Variants in C4orf50 observed in about 807,000 individuals in gnomAD.
C4orf50 encodes the protein uncharacterized protein C4orf50.
C4orf50 carries 80 observed loss-of-function variants against 77.2 expected under a neutral mutation model. That is an observed-to-expected ratio of 1.04 (90% CI 0.87 to 1.25). The LOEUF is 1.25. C4orf50 is among the 50% of genes most tolerant of loss of function. The pLI is 0.00. For missense variants in C4orf50, 1,257 were observed against 1,152.9 expected, an observed-to-expected ratio of 1.09 and a Z score of -1.31; for synonymous variants, 532 against 465.3, an observed-to-expected ratio of 1.14 and a Z score of -1.84.
chr4:5,902,734 T>C (rs1158259307), intron 7 of C4orf50: 3 of 152,102 alleles, frequency 2.0e-5, no homozygotes, highest in Non-Finnish European at 1.5e-5. Flanking sequence ...CCCATCCCAA[T>C]TGCATTCAAT....
intron 7 of C4orf50, among the ~76,000 whole-genome samples, chr4:5,907,315 T>G (rs1248669529): frequency 2.0e-5 from 3 of 152,166 alleles, no homozygotes; most frequent in Non-Finnish European, 4.4e-5. Flanking sequence ...AAAATCCATG[T>G]GGGACACTAA....
chr4:5,933,223 A>G (rs1291099295), intron 7 of C4orf50, among the ~76,000 whole-genome samples: 1 of 152,200 alleles, frequency 6.6e-6, no homozygotes, highest in Non-Finnish European at 1.5e-5. Context: ...ATGTGAAAAC[A>G]CTTTGTCAAG....
At chr4:5,993,031 C>T (rs1052915096) in intron 26 of C4orf50, 101 bp from the exon 5 acceptor site, 11 of 347,540 alleles carry the variant, frequency 3.2e-5, no homozygotes, top group Non-Finnish European at 5.4e-5. Flanking sequence ...TAAGATGGCA[C>T]CCCCCCCACC....
intron 30 of C4orf50, among the ~76,000 whole-genome samples, chr4:5,974,311 C>G (rs13435604): frequency 0.21 from 32,509 of 152,070 alleles, 4,336 homozygotes; most frequent in East Asian, 0.68. Flanking sequence ...AAGAAATGCT[C>G]CACAGCAAAT....
intron 25 of C4orf50, among the ~76,000 whole-genome samples, chr4:5,997,202 A>G (rs1196046707): frequency 6.6e-6 from 1 of 152,162 alleles, no homozygotes; most frequent in East Asian, 1.9e-4. Flanking sequence ...GAAGGTAGAA[A>G]TGGTTACTGG....
At chr4:5,980,098 T>A in intron 29 of C4orf50, 76 bp downstream of exon 7, 1 of 1,309,586 alleles carries the variant, frequency 7.6e-7, no homozygotes, top group Non-Finnish European at 1.0e-6. Flanking sequence ...CCTCAGCAAA[T>A]CTTTGTTCAC....
At position 5,958,994 on chromosome 4, in the gene C4orf50, C is replaced by T. The variant is rs28409578; in HGVS notation, c.*381G>A. On this transcript the variant is annotated 3_prime_UTR_variant, in exon 34 of 34. Coordinates refer to ENST00000531445, the Ensembl canonical transcript of C4orf50. This position sits in a 1 kb window ranked among gnomAD's most constrained non-coding sequence, Gnocchi z 5.4. The stretch of plus-strand genomic sequence containing the variant: ...TAGGACATTTCATAGCATCCCTGGC[C>T]TCTACCCACCAGATGCCAGTAGCAG... 2,155 of 207,262 alleles carry T rather than the reference C, an allele frequency of 0.01. 62 individuals are homozygous for T. The highest frequency in any genetic ancestry group is 0.046 in the African/African-American group (2,026 of 43,832). The allele number at this position is 207,262 out of a possible 1,614,324, so 12.8% of individuals were successfully genotyped here. A position where few individuals can be genotyped will look rare whatever the true frequency, so the allele number is the denominator to read the frequency against.
chr4:6,018,226 CT>C lies in C4orf50; in HGVS notation c.205del (p.Arg69GlyfsTer19). On this transcript the variant is annotated frameshift_variant, in exon 23 of 34. Transcript: ENST00000531445. LOFTEE classifies it high-confidence loss of function. This position sits in a 1 kb window ranked among gnomAD's most constrained non-coding sequence, Gnocchi z 5.1. ...CTGCTCGGAGGACTCCAGCTGCCTC[CT>C]GAGCGCACCCATATCCATGTCTGGG... is the stretch of plus-strand genomic sequence containing the variant. The C allele has an allele frequency of 2.5e-6, 1 of 399,066 alleles. No individual in the cohort carries two copies. The highest frequency in any genetic ancestry group is 1.3e-4 in the South Asian group (1 of 7,858). The allele number at this position is 399,066 out of a possible 1,614,324, so 24.7% of individuals were successfully genotyped here.
rs1449129535 is a variant in C4orf50, at chr4:5,900,014, G to C, written c.*2475-1826C>G. The C allele has an allele frequency of 6.6e-6, 1 of 152,164 alleles. No individual in the cohort carries two copies. 9.4% of individuals were successfully genotyped at this position (152,164 alleles called of 1,614,324 possible). On this transcript the variant is annotated intron_variant, in intron 7 of 7. Coordinates refer to the C4orf50 transcript ENST00000324058. This position sits in a 1 kb window ranked among gnomAD's most constrained non-coding sequence, Gnocchi z 4.3. ...AGAGCCCTTCCGACCACATGACACT[G>C]TCTCAACAGAGAAAAACAGGTTGTG...
exon 28 of C4orf50, chr4:5,988,640 C>T (rs1362772745): frequency 4.6e-6 from 7 of 1,536,004 alleles, no homozygotes; most frequent in Non-Finnish European, 4.4e-6. Context: ...AGTGGAGTCA[C>T]CTGCACCTCT....
At chr4:5,985,464 G>C in intron 28 of C4orf50, among the ~76,000 whole-genome samples, 1 of 151,716 alleles carries the variant, frequency 6.6e-6, no homozygotes. Context: ...TTGGGACATG[G>C]TAAAGAAAAC....
At chr4:5,952,847 C>T (rs1485757891), downstream of C4orf50, among the ~76,000 whole-genome samples, 2 of 152,184 alleles carry the variant, frequency 1.3e-5, no homozygotes, top group African/African-American at 4.8e-5. The surrounding 1 kb of genome is among the most constrained non-coding windows in gnomAD (Gnocchi z 4.4). Context: ...CCAAGAACGA[C>T]TCGTTTTGGC....
intron 25 of C4orf50, among the ~76,000 whole-genome samples, chr4:5,994,683 T>G (rs1721482450): frequency 6.6e-6 from 1 of 152,216 alleles, no homozygotes; most frequent in Non-Finnish European, 1.5e-5. Context: ...CTGCCCTCTC[T>G]TAGCACTTAG....
intron 25 of C4orf50, among the ~76,000 whole-genome samples, chr4:6,006,238 G>T (rs952258886): frequency 6.6e-5 from 10 of 152,102 alleles, no homozygotes; most frequent in Non-Finnish European, 1.5e-4. Flanking sequence ...AATTTTAAAT[G>T]GATTGTCCAG....
intron 7 of C4orf50, among the ~76,000 whole-genome samples, chr4:5,923,697 A>G (rs1211154172): frequency 6.6e-6 from 1 of 152,168 alleles, no homozygotes. Context: ...TTTCCTTCCA[A>G]TGGCTCCGGC....
intron 29 of C4orf50, among the ~76,000 whole-genome samples, chr4:5,978,864 T>G (rs1400722291): frequency 1.3e-5 from 2 of 152,212 alleles, no homozygotes; most frequent in Non-Finnish European, 2.9e-5. Context: ...AATCATAGAT[T>G]ACCACACAGT....
intron 7 of C4orf50, among the ~76,000 whole-genome samples, chr4:5,921,586 G>A (rs1717273492): frequency 6.6e-6 from 1 of 152,128 alleles, no homozygotes; most frequent in Non-Finnish European, 1.5e-5. Context: ...AAGCTTCCAG[G>A]GAGGCTCAGG....
At chr4:5,998,270 A>G (rs936430175) in intron 25 of C4orf50, among the ~76,000 whole-genome samples, 1 of 152,228 alleles carries the variant, frequency 6.6e-6, no homozygotes, top group South Asian at 2.1e-4. Context: ...GGAGCTGTCC[A>G]TATTTTTTTA....
chr4:5,959,507 GA>G lies in C4orf50; in HGVS notation c.4394del (p.Leu1465ProfsTer13). 6.2e-7 allele frequency: 1 copy of G among 1,614,198 alleles called. No individual in the cohort carries two copies. The highest frequency in any genetic ancestry group is 1.1e-5 in the South Asian group (1 of 91,078). On this transcript the variant is annotated frameshift_variant, in exon 34 of 34. Coordinates refer to ENST00000531445, the Ensembl canonical transcript of C4orf50. LOFTEE classifies it low-confidence loss of function (END_TRUNC). ...AGGGTGCTGGGACGTTATCGACTTG[GA>G]GGGCAGGACAGGGCATTCCGCCTTT...
Sources: gnomAD v4.1 joint callset for allele counts (sites outside exome capture counted in the v4.1 genomes callset) on GRCh38, gnomAD v4.1.1 for gene constraint, Gnocchi (gnomAD v3.1) non-coding constraint, MANE v1.5 for transcripts, NCBI Gene and HGNC (gene_info 2026-07-23, HGNC 2026-07-21) for gene names.